NEXMIF: variants seen among roughly 807,000 people sequenced by gnomAD.
NEXMIF encodes neurite extension and migration factor.
A neutral mutation model predicts 62.1 loss-of-function variants in NEXMIF; 8 were observed. The ratio of observed to expected loss-of-function variants is 0.13; its 90% CI spans 0.08 to 0.23. The LOEUF (loss-of-function observed/expected upper bound fraction) is 0.23. NEXMIF is among the 10% of genes least tolerant of loss of function. The probability of loss-of-function intolerance (pLI) is 1.00; values close to 1 mark genes in which losing one functional copy is unlikely to be tolerated. For synonymous variants in NEXMIF, 404 were observed against 416.6 expected (o/e 0.97, Z 0.37); for missense variants, 976 against 1,113.3 (o/e 0.88, Z 1.75).
intron 1 of NEXMIF, among the ~76,000 whole-genome samples, chrX:74,907,556 T>G (rs905138033): frequency 1.2e-4 from 13 of 110,782 alleles, no homozygotes; most frequent in African/African-American, 3.9e-4. Flanking sequence ...GATCATCATC[T>G]CTAGACCAAG....
At chrX:74,819,629 A>T (rs1481301498) in intron 1 of NEXMIF, among the ~76,000 whole-genome samples, 1 of 112,305 alleles carries the variant, frequency 8.9e-6, no homozygotes, top group Non-Finnish European at 1.9e-5. Context: ...AATCAAAACC[A>T]CAATGAGATA....
chrX:74,878,000 T>C (rs1178968202), intron 1 of NEXMIF, among the ~76,000 whole-genome samples: 1 of 112,479 alleles, frequency 8.9e-6, no homozygotes, highest in Non-Finnish European at 1.9e-5. Flanking sequence ...TTGTCAGTCA[T>C]TCTCCATCCA....
At chrX:74,794,466 G>C (rs758108978) in intron 1 of NEXMIF, among the ~76,000 whole-genome samples, 2 of 111,408 alleles carry the variant, frequency 1.8e-5, no homozygotes, top group Admixed American at 1.9e-4. Flanking sequence ...GGAGCCTACA[G>C]AGGCAGGCAG....
chrX:74,888,827 C>T (rs1395398060), intron 1 of NEXMIF, among the ~76,000 whole-genome samples: 1 of 111,857 alleles, frequency 8.9e-6, no homozygotes, highest in Non-Finnish European at 1.9e-5. Context: ...GTTCATTGTT[C>T]CCAAAATTTA....
At chrX:74,885,380 C>T (rs760075412) in intron 1 of NEXMIF, among the ~76,000 whole-genome samples, 1 of 111,067 alleles carries the variant, frequency 9.0e-6, no homozygotes, top group Non-Finnish European at 1.9e-5. Context: ...AAAAGATCAA[C>T]AAAATTGATA....
At chrX:74,878,915 T>G in intron 1 of NEXMIF, among the ~76,000 whole-genome samples, 1 of 111,953 alleles carries the variant, frequency 8.9e-6, no homozygotes, top group Non-Finnish European at 1.9e-5. Context: ...ATGAACCCGG[T>G]ACCTCAGATG....
intron 1 of NEXMIF, among the ~76,000 whole-genome samples, chrX:74,839,596 T>G (rs1021147644): frequency 9.0e-6 from 1 of 111,539 alleles, no homozygotes; most frequent in Non-Finnish European, 1.9e-5. Flanking sequence ...CCCCAGTGTC[T>G]GTTGTTTCCT....
chrX:74,840,763 G>T (rs1305573302), intron 1 of NEXMIF, among the ~76,000 whole-genome samples: 1 of 111,417 alleles, frequency 9.0e-6, no homozygotes. Flanking sequence ...GCTTGTTTTT[G>T]TCAGGTTTGT....
intron 1 of NEXMIF, among the ~76,000 whole-genome samples, chrX:74,795,822 A>G (rs1309193950): frequency 9.1e-6 from 1 of 109,551 alleles, no homozygotes; most frequent in Non-Finnish European, 1.9e-5. Context: ...ACTTTGAAAA[A>G]TTGTGTTTTA....
At chrX:74,814,209 A>G (rs1014551139) in intron 1 of NEXMIF, among the ~76,000 whole-genome samples, 3 of 111,809 alleles carry the variant, frequency 2.7e-5, no homozygotes, top group Non-Finnish European at 5.6e-5. Flanking sequence ...TCTTGAGTCC[A>G]AAGAGTTTAA....
chrX:74,768,743 AT>A (rs1231460498), intron 1 of NEXMIF, among the ~76,000 whole-genome samples: 2 of 112,420 alleles, frequency 1.8e-5, no homozygotes, highest in African/African-American at 6.5e-5. Context: ...GGACTAGATA[AT>A]TTTAACTCTA....
intron 1 of NEXMIF, among the ~76,000 whole-genome samples, chrX:74,874,328 C>G (rs62610658): frequency 0.014 from 1,457 of 103,246 alleles, 13 homozygotes; most frequent in Middle Eastern, 0.025. Flanking sequence ...TTTCTGAGGG[C>G]TCTGTTCTGT....
chrX:74,883,802 A>G (rs1602265135), intron 1 of NEXMIF, among the ~76,000 whole-genome samples: 1 of 111,640 alleles, frequency 9.0e-6, no homozygotes, highest in Middle Eastern at 4.6e-3. Flanking sequence ...AGAACGCCAC[A>G]AAGATACTCC....
intron 1 of NEXMIF, among the ~76,000 whole-genome samples, chrX:74,850,816 C>A (rs996235562): frequency 2.0e-4 from 22 of 110,012 alleles, no homozygotes; most frequent in Non-Finnish European, 4.2e-4. Flanking sequence ...CATGAAAAAG[C>A]AAGGAAATAT....
At chrX:74,866,228 T>C (rs2080578659) in intron 1 of NEXMIF, among the ~76,000 whole-genome samples, 1 of 111,712 alleles carries the variant, frequency 9.0e-6, no homozygotes, top group African/African-American at 3.3e-5. Context: ...ATGTGAGACA[T>C]GGGGTCAAAG....
intron 1 of NEXMIF, among the ~76,000 whole-genome samples, chrX:74,843,355 T>C (rs1274776602): frequency 1.8e-5 from 2 of 111,276 alleles, no homozygotes; most frequent in African/African-American, 6.5e-5. Context: ...ATTTTGAGCC[T>C]GTAAGTGTCA....
intron 1 of NEXMIF, among the ~76,000 whole-genome samples, chrX:74,890,050 A>C (rs1396364424): frequency 9.7e-6 from 1 of 103,313 alleles, no homozygotes; most frequent in Non-Finnish European, 2.0e-5. Flanking sequence ...CTCTCTACCA[A>C]ATCGGTACTT....
Position 74,865,257 on chromosome X carries a change from G to A in NEXMIF, c.-48+59626C>T, listed in dbSNP as rs1261698889. Among the ~76,000 whole-genome samples the A allele has an allele frequency of 3.6e-5, 4 of 111,650 alleles. No homozygotes were observed. The Admixed American group carries it at 3.8e-4, about 11-fold the overall frequency. ...ATAGTGATATGGACAATAAGATCCA[G>A]ACTGAGGTGGTCTTAGATGGAGATG... On this transcript the variant is annotated intron_variant, in intron 1 of 3. Coordinates refer to ENST00000055682, the MANE Select transcript of NEXMIF (RefSeq NM_001008537.3).
intron 1 of NEXMIF, among the ~76,000 whole-genome samples, chrX:74,834,328 G>A (rs1162972952): frequency 9.0e-6 from 1 of 110,624 alleles, no homozygotes; most frequent in East Asian, 2.8e-4. Context: ...CTTATGATAA[G>A]GGTAGTTAAA....
Sources: allele counts gnomAD v4.1 joint callset (sites outside exome capture counted in the v4.1 genomes callset), GRCh38; gene constraint gnomAD v4.1.1; transcripts MANE v1.5; gene names NCBI Gene and HGNC (gene_info 2026-07-23, HGNC 2026-07-21).